The following CWC27 variants were observed in gnomAD, a reference collection of about 807,000 sequenced individuals.
CWC27 encodes spliceosome-associated protein CWC27 homolog.
In CWC27, 47 loss-of-function variants were observed where a neutral mutation model predicts 63.6. That is an observed-to-expected ratio of 0.74 (90% CI 0.58 to 0.94). CWC27 has a LOEUF of 0.94. Among genes scored for constraint, CWC27 ranks in the 40% least tolerant of loss-of-function variants. CWC27 has a pLI of 0.00. For missense variants in CWC27, 495 were observed against 554.3 expected, an observed-to-expected ratio of 0.89 and a Z score of 1.07; for synonymous variants, 175 against 179.8, an observed-to-expected ratio of 0.97 and a Z score of 0.22.
intron 10 of CWC27, among the ~76,000 whole-genome samples, chr5:64,868,832 G>A (rs1001746345): frequency 2.0e-5 from 3 of 151,834 alleles, no homozygotes; most frequent in Non-Finnish European, 4.4e-5. Flanking sequence ...CATGTTTCAC[G>A]TAAGCTGAAG....
intron 11 of CWC27, among the ~76,000 whole-genome samples, chr5:64,958,304 G>A (rs758005734): frequency 2.6e-5 from 4 of 152,102 alleles, no homozygotes; most frequent in Non-Finnish European, 4.4e-5. Flanking sequence ...AAGTGTATAT[G>A]GTAGTGTGTG....
chr5:64,809,208 T>C (rs1744791853), intron 10 of CWC27, among the ~76,000 whole-genome samples: 1 of 152,218 alleles, frequency 6.6e-6, no homozygotes, highest in Admixed American at 6.5e-5. Flanking sequence ...TGTGATGTTT[T>C]GCTGTATGTA....
intron 11 of CWC27, among the ~76,000 whole-genome samples, chr5:64,916,818 C>T (rs557490295): frequency 7.0e-4 from 106 of 151,874 alleles, no homozygotes; most frequent in Non-Finnish European, 1.3e-3. Flanking sequence ...TTGTTTATTG[C>T]GAGGTTACAG....
At chr5:64,828,369 CTT>C (rs1745424609) in intron 10 of CWC27, among the ~76,000 whole-genome samples, 1 of 152,088 alleles carries the variant, frequency 6.6e-6, no homozygotes, top group South Asian at 2.1e-4. Context: ...CTCCCAGTGT[CTT>C]AGTCCGTTTG....
In CWC27 at chr5:65,018,234, T is replaced by G; in HGVS notation, c.1332T>G (p.Phe444Leu). Residue 444 changes from phenylalanine to leucine, a missense_variant, in exon 14 of 14, where the codon TTT becomes TTG. Transcript: ENST00000381070. ...CAAGCATGCAAGACTCAGATACATT[T>G]GAAATCTATGATCCTCGGAATCCAG... Reference protein sequence around the residue: ...KDASMQDSDTFEIYDPRNPVN... With the variant: ...KDASMQDSDTLEIYDPRNPVN... 6.2e-7 allele frequency: 1 copy of G among 1,609,050 alleles called. No homozygotes were observed. Among genetic ancestry groups the G allele is most frequent in the Non-Finnish European group, 8.5e-7 (1 of 1,178,150 alleles).
At chr5:64,821,573 A>G (rs1411214584) in intron 10 of CWC27, among the ~76,000 whole-genome samples, 2 of 152,184 alleles carry the variant, frequency 1.3e-5, no homozygotes, top group African/African-American at 2.4e-5. Context: ...ACCTGTTTTA[A>G]TCTTCTACTG....
chr5:64,840,041 A>G (rs1371694624), intron 10 of CWC27, among the ~76,000 whole-genome samples: 2 of 152,062 alleles, frequency 1.3e-5, no homozygotes, highest in Non-Finnish European at 2.9e-5. Context: ...TAGTGCATAT[A>G]GGCTCCCTGC....
intron 11 of CWC27, among the ~76,000 whole-genome samples, chr5:64,913,993 A>G (rs890287163): frequency 6.6e-6 from 1 of 152,114 alleles, no homozygotes; most frequent in African/African-American, 2.4e-5. Context: ...ACAAATAGAC[A>G]CGTGATATAG....
In CWC27 at chr5:65,000,326, CT is replaced by C. The variant is rs1277869087; in HGVS notation, c.1257-17828del. ...GGTCATTTCATTTGCTAGGCAGAAGCTTTTTAATTTAATTAAGTCTCATTTG... is the reference window on the plus strand; with the variant it reads ...GGTCATTTCATTTGCTAGGCAGAAGCTTTTAATTTAATTAAGTCTCATTTG... On this transcript the variant is annotated intron_variant, in intron 13 of 13. Transcript: ENST00000381070. Among the ~76,000 whole-genome samples the C allele has an allele frequency of 3.3e-5, 5 of 151,736 alleles. No homozygotes were observed. The South Asian group carries it at 6.2e-4, about 19-fold the overall frequency.
rs572696692 is a variant in CWC27, at chr5:64,864,520, C to T, written c.939-20923C>T. Among the ~76,000 whole-genome samples, 3 of 152,200 alleles carry T rather than the reference C, an allele frequency of 2.0e-5. No homozygotes were observed. In the East Asian group the frequency reaches 5.8e-4, roughly 29 times the overall value. On this transcript the variant is annotated intron_variant, in intron 10 of 13. Transcript: ENST00000381070. ...AAATGCTCCCACTACAGTATTAGAG[C>T]CTCTGAATTTATATTTTCTAATATC...
intron 10 of CWC27, chr5:64,807,716 TG>T: frequency 6.5e-7 from 1 of 1,535,986 alleles, no homozygotes; most frequent in Non-Finnish European, 8.7e-7. Flanking sequence ...GTGTCTCCAG[TG>T]CTTCCTTATT....
intron 10 of CWC27, among the ~76,000 whole-genome samples, chr5:64,850,281 C>G (rs1746104037): frequency 6.8e-6 from 1 of 147,366 alleles, no homozygotes; most frequent in Non-Finnish European, 1.5e-5. Flanking sequence ...CAGAAACAAA[C>G]CCATGCATGT....
chr5:64,850,178 C>T (rs1473637237), intron 10 of CWC27, among the ~76,000 whole-genome samples: 2 of 141,118 alleles, frequency 1.4e-5, no homozygotes, highest in Non-Finnish European at 3.0e-5. Context: ...TTAAACTATA[C>T]TACCTATACT....
intron 10 of CWC27, among the ~76,000 whole-genome samples, chr5:64,846,700 A>G (rs984730983): frequency 6.6e-6 from 1 of 152,220 alleles, no homozygotes; most frequent in African/African-American, 2.4e-5. Flanking sequence ...AAAAACTAAG[A>G]AAATGGCAAT....
intron 10 of CWC27, among the ~76,000 whole-genome samples, chr5:64,874,473 TTTTG>T (rs1746749346): frequency 6.6e-6 from 1 of 151,794 alleles, no homozygotes; most frequent in Non-Finnish European, 1.5e-5. Flanking sequence ...CGATGCTTTT[TTTTG>T]TTTGTTTTTT....
chr5:64,797,166 C>G (rs994585889), intron 7 of CWC27, among the ~76,000 whole-genome samples: 9 of 152,008 alleles, frequency 5.9e-5, no homozygotes. Flanking sequence ...GTATTTCATT[C>G]ATCAGCTAAA....
chr5:64,937,357 C>G (rs575181158), intron 11 of CWC27, among the ~76,000 whole-genome samples: 3 of 152,218 alleles, frequency 2.0e-5, no homozygotes, highest in African/African-American at 7.2e-5. Flanking sequence ...GTTATTTACC[C>G]AGTAGTCATT....
chr5:64,990,266 G>GTTT (rs70983657), intron 13 of CWC27, among the ~76,000 whole-genome samples: 7 of 33,242 alleles, frequency 2.1e-4, no homozygotes, highest in East Asian at 8.4e-4. Context: ...TTTTTTTTTT[G>GTTT]TTTTTTTTTT....
At chr5:64,799,517 C>T (rs910101124) in intron 7 of CWC27, among the ~76,000 whole-genome samples, 15 of 150,422 alleles carry the variant, frequency 1.0e-4, no homozygotes, top group Non-Finnish European at 1.9e-4. Flanking sequence ...ACCCCGGAAG[C>T]GGAGATTGCA....
Sources: gnomAD v4.1 joint callset for allele counts (sites outside exome capture counted in the v4.1 genomes callset) on GRCh38, gnomAD v4.1.1 for gene constraint, MANE v1.5 for transcripts, NCBI Gene and HGNC (gene_info 2026-07-23, HGNC 2026-07-21) for gene names.